The following ABCA13 variants were observed in gnomAD, a reference collection of about 807,000 sequenced individuals.
ABCA13 encodes ATP binding cassette subfamily A member 13, also known as ATP-binding cassette sub-family A member 13.
In ABCA13, 476 loss-of-function variants were observed where a neutral mutation model predicts 478.7. The observed-to-expected ratio is 0.99, with a 90% confidence interval of 0.92 to 1.07. ABCA13 has a LOEUF of 1.07. Ranked by LOEUF, ABCA13 falls within the 50% of genes least tolerant of loss-of-function variation. The probability of loss-of-function intolerance (pLI) is 0.00; values close to 1 mark genes in which losing one functional copy is unlikely to be tolerated. For missense variants in ABCA13, 6,060 were observed against 5,910.6 expected, an observed-to-expected ratio of 1.03 and a Z score of -0.83; for synonymous variants, 2,252 against 2,158.9, an observed-to-expected ratio of 1.04 and a Z score of -1.20.
chr7:48,388,786 T>C (rs1815587237), intron 36 of ABCA13, among the ~76,000 whole-genome samples: 1 of 152,160 alleles, frequency 6.6e-6, no homozygotes, highest in Non-Finnish European at 1.5e-5. Flanking sequence ...AATACATGTG[T>C]GTGTTTTTAT....
chr7:48,251,309 G>T (rs1411460569), intron 15 of ABCA13, among the ~76,000 whole-genome samples: 1 of 152,180 alleles, frequency 6.6e-6, no homozygotes, highest in Non-Finnish European at 1.5e-5. Flanking sequence ...CAACAGGCTT[G>T]TGGTTCAGAA....
intron 15 of ABCA13, among the ~76,000 whole-genome samples, chr7:48,264,016 T>G (rs1794548355): frequency 6.6e-6 from 1 of 151,934 alleles, no homozygotes; most frequent in African/African-American, 2.4e-5. Context: ...AGTTTTCATT[T>G]TGTAGAGATT....
At chr7:48,566,865 C>G (rs1486046603) in intron 55 of ABCA13, among the ~76,000 whole-genome samples, 1 of 152,154 alleles carries the variant, frequency 6.6e-6, no homozygotes, top group East Asian at 1.9e-4. Context: ...CTTAACATGT[C>G]TTTAAAATGC....
intron 25 of ABCA13, among the ~76,000 whole-genome samples, chr7:48,313,760 G>A (rs187914768): frequency 1.5e-4 from 23 of 152,264 alleles, no homozygotes; most frequent in Admixed American, 1.4e-3. Flanking sequence ...TTTTAGGGTT[G>A]GACGTGTAGG....
chr7:48,351,173 T>G (rs1808918380), intron 30 of ABCA13, among the ~76,000 whole-genome samples: 1 of 152,222 alleles, frequency 6.6e-6, no homozygotes, highest in Non-Finnish European at 1.5e-5. Flanking sequence ...ATACTCTAAT[T>G]TCCTGCATCA....
chr7:48,369,219 T>C (rs943060074), intron 32 of ABCA13, among the ~76,000 whole-genome samples: 2 of 152,302 alleles, frequency 1.3e-5, no homozygotes, highest in Non-Finnish European at 2.9e-5. Context: ...GAATTGTCTG[T>C]TCACGTCCTT....
At position 48,249,178 on chromosome 7, in the gene ABCA13, A is replaced by G. The variant is rs1044383629; in HGVS notation, c.1866-34A>G. 1.2e-5 allele frequency: 19 copies of G among 1,571,746 alleles called. 1 individual carries two copies. The highest frequency in any genetic ancestry group is 1.9e-4 in the Middle Eastern group (1 of 5,166). ...CTGTCATCTGCAAGATCATTTTTAAATTTTAATTTTCTCTGGATTCTTTTT... is the reference window on the plus strand; with the variant it reads ...CTGTCATCTGCAAGATCATTTTTAAGTTTTAATTTTCTCTGGATTCTTTTT... On this transcript the variant is annotated intron_variant, in intron 14 of 61. Transcript: ENST00000435803.
chr7:48,538,828 A>G (rs1033655013), intron 55 of ABCA13, among the ~76,000 whole-genome samples: 1 of 152,160 alleles, frequency 6.6e-6, no homozygotes, highest in Non-Finnish European at 1.5e-5. Context: ...GATACTTGAT[A>G]GGGCCTTTAA....
At chr7:48,376,905 G>C (rs1813569117) in intron 35 of ABCA13, among the ~76,000 whole-genome samples, 1 of 152,218 alleles carries the variant, frequency 6.6e-6, no homozygotes, top group East Asian at 1.9e-4. Context: ...GCAGGCATGA[G>C]GGGGTGAGGG....
intron 38 of ABCA13, among the ~76,000 whole-genome samples, chr7:48,399,164 A>C (rs62449234): frequency 0.2 from 29,688 of 152,106 alleles, 3,280 homozygotes; most frequent in East Asian, 0.23. Context: ...AAAGCAAAGA[A>C]ATATGATAGT....
At chr7:48,429,374 A>T (rs1464840906) in intron 42 of ABCA13, among the ~76,000 whole-genome samples, 1 of 152,230 alleles carries the variant, frequency 6.6e-6, no homozygotes. Context: ...ATCACACCTT[A>T]CATTCCCACC....
In ABCA13 at chr7:48,269,295, A is replaced by G. The variant is rs1022261546; in HGVS notation, c.2120+201A>G. Among the ~76,000 whole-genome samples the G allele has an allele frequency of 2.8e-4, 43 of 152,190 alleles. 2 individuals are homozygous for G. The highest frequency in any genetic ancestry group is 9.9e-4 in the African/African-American group (41 of 41,446). ...ATCAAGTTGTTTAATAGAATGTATGACTCAATGGATTTTGAAAGGAAATAC... is the reference window on the plus strand; with the variant it reads ...ATCAAGTTGTTTAATAGAATGTATGGCTCAATGGATTTTGAAAGGAAATAC... On this transcript the variant is annotated intron_variant, in intron 16 of 61. Coordinates refer to ENST00000435803, the MANE Select transcript of ABCA13 (RefSeq NM_152701.5).
intron 55 of ABCA13, among the ~76,000 whole-genome samples, chr7:48,542,441 A>T (rs1480213931): frequency 1.3e-5 from 2 of 151,778 alleles, no homozygotes; most frequent in African/African-American, 2.4e-5. Context: ...AAATAGTATG[A>T]GTATTTATAC....
chr7:48,218,022 C>T (rs1171374444), intron 3 of ABCA13, among the ~76,000 whole-genome samples: 1 of 152,200 alleles, frequency 6.6e-6, no homozygotes, highest in Non-Finnish European at 1.5e-5. Flanking sequence ...CACATACACA[C>T]AAATTAACAT....
intron 45 of ABCA13, among the ~76,000 whole-genome samples, chr7:48,476,410 T>C (rs1018923808): frequency 2.3e-4 from 35 of 152,242 alleles, no homozygotes; most frequent in African/African-American, 8.2e-4. Flanking sequence ...AAGACTTTTT[T>C]ATATGTGCCA....
intron 58 of ABCA13, among the ~76,000 whole-genome samples, chr7:48,598,444 A>G (rs1472139813): frequency 6.6e-6 from 1 of 152,218 alleles, no homozygotes; most frequent in Admixed American, 6.5e-5. Context: ...GGTAAATACC[A>G]AGGAATGTGA....
chr7:48,350,903 T>C, intron 30 of ABCA13, 84 bp downstream of exon 30: 3 of 1,352,510 alleles, frequency 2.2e-6, no homozygotes, highest in Non-Finnish European at 3.0e-6. Flanking sequence ...TAAAGGTGTC[T>C]TATGATAGCT....
intron 18 of ABCA13, 149 bp downstream of exon 18, chr7:48,280,069 A>G (rs1796829726): frequency 2.7e-6 from 2 of 734,692 alleles, no homozygotes; most frequent in East Asian, 3.2e-5. Context: ...ACATAGAGCA[A>G]TTCAGGTCCA....
At chr7:48,501,749 CA>C (rs1830766511) in intron 48 of ABCA13, among the ~76,000 whole-genome samples, 1 of 152,188 alleles carries the variant, frequency 6.6e-6, no homozygotes, top group African/African-American at 2.4e-5. Flanking sequence ...TGAAATTTAT[CA>C]GCTGCTCTCT....
Sources: allele counts gnomAD v4.1 joint callset (sites outside exome capture counted in the v4.1 genomes callset), GRCh38; gene constraint gnomAD v4.1.1; transcripts MANE v1.5; gene names NCBI Gene and HGNC (gene_info 2026-07-23, HGNC 2026-07-21).